The following EXTL3 variants were observed in gnomAD, a reference collection of about 807,000 sequenced individuals.
EXTL3 encodes exostosin-like 3.
A neutral mutation model predicts 69.3 loss-of-function variants in EXTL3; 27 were observed. That is an observed-to-expected ratio of 0.39 (90% CI 0.29 to 0.54). The LOEUF (loss-of-function observed/expected upper bound fraction) is 0.54, where lower values mean the gene tolerates loss of function less well. Among genes scored for constraint, EXTL3 ranks in the 20% least tolerant of loss-of-function variants. EXTL3 has a pLI of 0.69. For missense variants in EXTL3, 1,003 were observed against 1,231.8 expected (o/e 0.81, Z 2.78); for synonymous variants, 511 against 499.4 (o/e 1.02, Z -0.31).
intron 4 of EXTL3, among the ~76,000 whole-genome samples, chr8:28,732,720 G>A (rs745714129): frequency 6.6e-6 from 1 of 152,068 alleles, no homozygotes; most frequent in Non-Finnish European, 1.5e-5. Context: ...TCTTGTAGCA[G>A]GTACCAGTTC....
chr8:28,743,069 T>C lies in EXTL3; in HGVS notation c.2422-17T>C. 1.2e-6 allele frequency: 2 copies of C among 1,614,020 alleles called. No individual in the cohort carries two copies. Among genetic ancestry groups the C allele is most frequent in the Non-Finnish European group, 1.7e-6 (2 of 1,179,924 alleles). ...GTCTTGTAACAGAGCATGTGGTTCT[T>C]TTTCTTCCCCTGACAGTATTATGCC... On this transcript the variant is annotated splice_polypyrimidine_tract_variant and intron_variant, in intron 5 of 6. Coordinates refer to ENST00000220562, the MANE Select transcript of EXTL3 (RefSeq NM_001440.4).
upstream of EXTL3, among the ~76,000 whole-genome samples, chr8:28,619,931 C>T (rs570965042): frequency 3.3e-5 from 4 of 119,664 alleles, no homozygotes; most frequent in Non-Finnish European, 6.4e-5. Context: ...AGTACAGTGG[C>T]GCGATCTTGG....
At chr8:28,659,310 A>G (rs1274905383) in intron 1 of EXTL3, among the ~76,000 whole-genome samples, 1 of 152,022 alleles carries the variant, frequency 6.6e-6, no homozygotes, top group Admixed American at 6.6e-5. Context: ...AGCAAGGGCC[A>G]AGTGTTTTAT....
At chr8:28,748,681 C>G (rs1218631549) in intron 6 of EXTL3, among the ~76,000 whole-genome samples, 1 of 152,176 alleles carries the variant, frequency 6.6e-6, no homozygotes, top group African/African-American at 2.4e-5. Context: ...GATCTCCTAC[C>G]CGTTGCCCCG....
intron 1 of EXTL3, among the ~76,000 whole-genome samples, chr8:28,679,351 C>T (rs939890701): frequency 2.6e-5 from 4 of 152,166 alleles, no homozygotes; most frequent in South Asian, 4.2e-4. Context: ...GAGGCTAAGG[C>T]GGGAGAATCG....
chr8:28,718,256 C>G, intron 3 of EXTL3, 49 bp downstream of exon 3: 1 of 1,551,772 alleles, frequency 6.4e-7, no homozygotes, highest in Non-Finnish European at 8.9e-7. Flanking sequence ...TAGTATTTCA[C>G]TCTTAATCCC....
At chr8:28,620,471 AC>A (rs1806396144), upstream of EXTL3, among the ~76,000 whole-genome samples, 1 of 152,062 alleles carries the variant, frequency 6.6e-6, no homozygotes, top group Non-Finnish European at 1.5e-5. Context: ...ATAACTGCCA[AC>A]CCCTGTCCTC....
upstream of EXTL3, among the ~76,000 whole-genome samples, chr8:28,619,306 A>G: frequency 9.2e-6 from 1 of 108,272 alleles, no homozygotes; most frequent in South Asian, 2.9e-4. Flanking sequence ...AAAAAAAAAA[A>G]AAAAAAAAAC....
intron 3 of EXTL3, among the ~76,000 whole-genome samples, chr8:28,726,038 C>A (rs1237224881): frequency 6.6e-6 from 1 of 151,758 alleles, no homozygotes; most frequent in Non-Finnish European, 1.5e-5. Context: ...TCACTGCAGC[C>A]TCTGCCTCCC....
At chr8:28,612,485 GA>G (rs1806284365) in intron 2 of EXTL3, among the ~76,000 whole-genome samples, 1 of 149,766 alleles carries the variant, frequency 6.7e-6, no homozygotes, top group South Asian at 2.1e-4. Context: ...AAAGAAAAAA[GA>G]AAAAAAGAAA....
At chr8:28,704,320 A>C (rs2237816) in intron 1 of EXTL3, among the ~76,000 whole-genome samples, 1 of 152,240 alleles carries the variant, frequency 6.6e-6, no homozygotes, top group Non-Finnish European at 1.5e-5. Flanking sequence ...CATCATATAC[A>C]TAATATATAA....
intron 1 of EXTL3, among the ~76,000 whole-genome samples, chr8:28,639,226 G>A (rs963382524): frequency 3.3e-5 from 5 of 152,088 alleles, no homozygotes; most frequent in Non-Finnish European, 7.4e-5. Flanking sequence ...GTGAGCCACC[G>A]CGCCTGGCCA....
At chr8:28,700,889 A>C (rs754728474), upstream of EXTL3, 19 of 152,390 alleles carry the variant, frequency 1.2e-4, no homozygotes, top group Non-Finnish European at 2.6e-4. Context: ...TGGGGCTCAC[A>C]GGGGCTGGCT....
intron 2 of EXTL3, among the ~76,000 whole-genome samples, chr8:28,609,282 T>C (rs1806241748): frequency 6.6e-6 from 1 of 151,980 alleles, no homozygotes; most frequent in African/African-American, 2.4e-5. Flanking sequence ...GGGAAATCGT[T>C]GGAAAGCTGT....
At chr8:28,651,181 A>G (rs1806913226) in intron 1 of EXTL3, among the ~76,000 whole-genome samples, 1 of 152,092 alleles carries the variant, frequency 6.6e-6, no homozygotes, top group Non-Finnish European at 1.5e-5. Context: ...CGGATTTTGG[A>G]TTTTCAGATT....
chr8:28,685,346 C>A (rs1333917831), intron 1 of EXTL3, among the ~76,000 whole-genome samples: 1 of 152,128 alleles, frequency 6.6e-6, no homozygotes, highest in Non-Finnish European at 1.5e-5. Context: ...CTTCTCTAAT[C>A]TTGAACGTTT....
chr8:28,733,518 G>A (rs541693107), intron 4 of EXTL3, among the ~76,000 whole-genome samples: 1 of 151,482 alleles, frequency 6.6e-6, no homozygotes, highest in South Asian at 2.1e-4. Flanking sequence ...CCTGAGTAGC[G>A]GGGACTACAG....
chr8:28,666,964 C>T (rs1807207122), intron 1 of EXTL3, among the ~76,000 whole-genome samples: 1 of 152,162 alleles, frequency 6.6e-6, no homozygotes, highest in South Asian at 2.1e-4. Context: ...TAAAGGTCCC[C>T]ACAGCAATGC....
intron 2 of EXTL3, among the ~76,000 whole-genome samples, chr8:28,616,942 G>A (rs954117557): frequency 3.9e-5 from 6 of 152,160 alleles, no homozygotes; most frequent in Non-Finnish European, 8.8e-5. Context: ...TTACGGTCAC[G>A]TCTTTTGCAA....
Sources: gnomAD v4.1 joint callset for allele counts (sites outside exome capture counted in the v4.1 genomes callset) on GRCh38, gnomAD v4.1.1 for gene constraint, MANE v1.5 for transcripts, NCBI Gene and HGNC (gene_info 2026-07-23, HGNC 2026-07-21) for gene names.